KIAA2012: variants seen among roughly 807,000 people sequenced by gnomAD.
The protein encoded by KIAA2012 is uncharacterized protein KIAA2012.
A neutral mutation model predicts 150.6 loss-of-function variants in KIAA2012; 125 were observed. That is an observed-to-expected ratio of 0.83 (90% CI 0.72 to 0.96). The LOEUF (loss-of-function observed/expected upper bound fraction) is 0.96, where lower values mean the gene tolerates loss of function less well. Among genes scored for constraint, KIAA2012 ranks in the 40% least tolerant of loss-of-function variants. The pLI, the probability that KIAA2012 is intolerant of heterozygous loss-of-function variation, is 0.00. For missense variants in KIAA2012, 1,219 were observed against 1,354.9 expected (o/e 0.90, Z 1.57); for synonymous variants, 462 against 504.7 (o/e 0.92, Z 1.13).
intron 5 of KIAA2012, 119 bp downstream of exon 5, chr2:202,097,696 T>C: frequency 2.6e-6 from 3 of 1,156,670 alleles, no homozygotes; most frequent in Non-Finnish European, 3.6e-6. Flanking sequence ...TTCAAGCATT[T>C]CTCCTGCCTC....
chr2:202,140,570 T>C (rs1691178750), intron 13 of KIAA2012, among the ~76,000 whole-genome samples: 1 of 152,134 alleles, frequency 6.6e-6, no homozygotes, highest in Non-Finnish European at 1.5e-5. Flanking sequence ...TGGGGGTGAC[T>C]TCCTGGCCTC....
chr2:202,179,132 T>C (rs1692062636), intron 15 of KIAA2012: 2 of 450,514 alleles, frequency 4.4e-6, no homozygotes, highest in African/African-American at 2.0e-5. Flanking sequence ...TTGAGGTTGG[T>C]TTTGTTTTAA....
At chr2:202,183,564 T>C (rs1692165703) in intron 15 of KIAA2012, among the ~76,000 whole-genome samples, 1 of 140,288 alleles carries the variant, frequency 7.1e-6, no homozygotes, top group Non-Finnish European at 1.5e-5. Context: ...AGTGCAGTGG[T>C]GCTATCTAAA....
At chr2:202,169,152 T>G (rs1691832460) in intron 15 of KIAA2012, among the ~76,000 whole-genome samples, 1 of 152,196 alleles carries the variant, frequency 6.6e-6, no homozygotes, top group Non-Finnish European at 1.5e-5. Flanking sequence ...TATAGCCCCA[T>G]GTGTTATGTG....
chr2:202,109,301 A>G (rs1007929812), intron 9 of KIAA2012, among the ~76,000 whole-genome samples: 1 of 152,062 alleles, frequency 6.6e-6, no homozygotes, highest in Non-Finnish European at 1.5e-5. Context: ...CCACCACTCA[A>G]TTCCTCCCAG....
intron 12 of KIAA2012, among the ~76,000 whole-genome samples, chr2:202,134,417 C>T (rs1363645813): frequency 6.6e-6 from 1 of 152,176 alleles, no homozygotes; most frequent in Non-Finnish European, 1.5e-5. Flanking sequence ...AGGAAGGAGC[C>T]AGGTGGCCCG....
At chr2:202,127,509 A>C (rs1362412259) in intron 12 of KIAA2012, among the ~76,000 whole-genome samples, 1 of 152,210 alleles carries the variant, frequency 6.6e-6, no homozygotes, top group Non-Finnish European at 1.5e-5. Flanking sequence ...GGAGTGCCCC[A>C]GGGGGCTCAG....
chr2:202,152,977 C>A (rs16838892), intron 13 of KIAA2012, among the ~76,000 whole-genome samples: 4 of 152,022 alleles, frequency 2.6e-5, no homozygotes, highest in African/African-American at 7.3e-5. Flanking sequence ...ATGTATGTGA[C>A]CCCAGCAAAT....
chr2:202,164,455 T>C (rs1020572825), intron 14 of KIAA2012, among the ~76,000 whole-genome samples: 1 of 152,184 alleles, frequency 6.6e-6, no homozygotes, highest in Non-Finnish European at 1.5e-5. Flanking sequence ...ACCATAGTTA[T>C]GGAGATTTCT....
At chr2:202,176,056 A>G (rs2105733208) in intron 15 of KIAA2012, among the ~76,000 whole-genome samples, 1 of 152,360 alleles carries the variant, frequency 6.6e-6, no homozygotes, top group Non-Finnish European at 1.5e-5. Flanking sequence ...CTCACAAAAT[A>G]TCAGGTGTAT....
At chr2:202,138,637 G>T (rs1018170220) in intron 13 of KIAA2012, 129 bp downstream of exon 13, 6 of 613,470 alleles carry the variant, frequency 9.8e-6, no homozygotes, top group Admixed American at 9.2e-5. Context: ...TCAGTAAAAT[G>T]AGACAAGTAG....
At chr2:202,133,132 T>TATA (rs1559215816) in intron 12 of KIAA2012, among the ~76,000 whole-genome samples, 1 of 96,438 alleles carries the variant, frequency 1.0e-5, no homozygotes, top group Non-Finnish European at 2.0e-5. Flanking sequence ...ATATATATAT[T>TATA]TTTTTTTTTT....
At chr2:202,080,339 T>A (rs1419920376) in intron 2 of KIAA2012, among the ~76,000 whole-genome samples, 1 of 152,166 alleles carries the variant, frequency 6.6e-6, no homozygotes, top group African/African-American at 2.4e-5. Context: ...TACACTCCTG[T>A]TTCTCTAGGT....
intron 13 of KIAA2012, among the ~76,000 whole-genome samples, chr2:202,148,448 C>T (rs975366042): frequency 6.6e-6 from 1 of 152,198 alleles, no homozygotes; most frequent in African/African-American, 2.4e-5. Context: ...ACCAAACTAA[C>T]TGTCTCCACC....
At chr2:202,203,384 C>A (rs1341872051) in intron 23 of KIAA2012, among the ~76,000 whole-genome samples, 1 of 152,164 alleles carries the variant, frequency 6.6e-6, no homozygotes, top group African/African-American at 2.4e-5. Context: ...CTATTTAGAA[C>A]AATGCATATC....
intron 2 of KIAA2012, among the ~76,000 whole-genome samples, chr2:202,086,976 G>T (rs1217656673): frequency 6.6e-6 from 1 of 152,056 alleles, no homozygotes; most frequent in East Asian, 1.9e-4. Flanking sequence ...AATACTTTTG[G>T]CTGCAAGCAA....
intron 13 of KIAA2012, among the ~76,000 whole-genome samples, chr2:202,146,025 A>C (rs975329891): frequency 1.3e-5 from 2 of 152,050 alleles, no homozygotes; most frequent in Non-Finnish European, 2.9e-5. Flanking sequence ...AATGTTTTTG[A>C]GTTTTACTAT....
intron 18 of KIAA2012, among the ~76,000 whole-genome samples, chr2:202,188,910 A>G (rs1323472880): frequency 6.6e-6 from 1 of 152,186 alleles, no homozygotes; most frequent in Admixed American, 6.5e-5. Context: ...CACTTTCTTT[A>G]GCCTAAAACT....
rs145438525 is a variant in KIAA2012, at chr2:202,122,653, C to T, written c.1763-2561C>T. 6.6e-5 allele frequency among the ~76,000 whole-genome samples: 10 copies of T among 152,104 alleles called. 1 individual carries two copies. In the East Asian group the frequency reaches 1.7e-3, roughly 27 times the overall value. The stretch of plus-strand genomic sequence containing the variant: ...GTAGCTGGGACTACAGGTGGTGCAC[C>T]ACCACGCCTGGCTAAATTTGTTGTA... On this transcript the variant is annotated intron_variant, in intron 11 of 23. Coordinates refer to ENST00000498697, the MANE Select transcript of KIAA2012 (RefSeq NM_001277372.4).
Sources: gnomAD v4.1 joint callset for allele counts (sites outside exome capture counted in the v4.1 genomes callset) on GRCh38, gnomAD v4.1.1 for gene constraint, MANE v1.5 for transcripts, NCBI Gene and HGNC (gene_info 2026-07-23, HGNC 2026-07-21) for gene names.